The following CFAP20DC variants were observed in gnomAD, a reference collection of about 807,000 sequenced individuals.
CFAP20DC encodes protein CFAP20DC.
A neutral mutation model predicts 101.7 loss-of-function variants in CFAP20DC; 84 were observed. The ratio of observed to expected loss-of-function variants is 0.83; its 90% confidence interval spans 0.69 to 0.99. CFAP20DC has a LOEUF of 0.99. Ranked by LOEUF, CFAP20DC falls within the 50% of genes least tolerant of loss-of-function variation. CFAP20DC has a pLI of 0.00. For missense variants in CFAP20DC, 1,007 were observed against 970.3 expected, an observed-to-expected ratio of 1.04 and a Z score of -0.50; for synonymous variants, 359 against 351.2, an observed-to-expected ratio of 1.02 and a Z score of -0.25.
intron 1 of CFAP20DC, among the ~76,000 whole-genome samples, chr3:59,048,840 CGAG>C (rs753011932): frequency 3.9e-5 from 6 of 152,024 alleles, no homozygotes; most frequent in Non-Finnish European, 1.5e-5. Context: ...CTTGCAAAGG[CGAG>C]GAGAGGAGAC....
At chr3:58,977,855 TCTAC>T (rs902859597) in intron 4 of CFAP20DC, among the ~76,000 whole-genome samples, 1 of 151,966 alleles carries the variant, frequency 6.6e-6, no homozygotes, top group African/African-American at 2.4e-5. Flanking sequence ...CTCTCCCCAC[TCTAC>T]CCTGGTACCA....
At chr3:58,748,475 T>C (rs1366150117) in intron 16 of CFAP20DC, among the ~76,000 whole-genome samples, 5 of 152,114 alleles carry the variant, frequency 3.3e-5, no homozygotes, top group African/African-American at 1.2e-4. Flanking sequence ...AAGGCACCTC[T>C]TGATACTAGT....
intron 12 of CFAP20DC, among the ~76,000 whole-genome samples, chr3:58,853,004 T>C (rs1484191300): frequency 1.3e-5 from 2 of 151,810 alleles, no homozygotes; most frequent in South Asian, 2.1e-4. Context: ...CTCAAGGAAA[T>C]AGAAACACAA....
chr3:58,838,097 G>A (rs1243622213), intron 13 of CFAP20DC, among the ~76,000 whole-genome samples: 1 of 152,176 alleles, frequency 6.6e-6, no homozygotes, highest in Admixed American at 6.6e-5. Flanking sequence ...AGCACAAGCT[G>A]TAAGTGACAC....
Position 58,753,696 on chromosome 3 carries a change from A to C in CFAP20DC, c.2332+73T>G. 4.9e-6 allele frequency: 5 copies of C among 1,024,848 alleles called. No homozygotes were observed. In the South Asian group the frequency reaches 5.6e-5, roughly 12 times the overall value. 63.5% of individuals were successfully genotyped at this position (1,024,848 alleles called of 1,614,324 possible). The stretch of plus-strand genomic sequence containing the variant: ...CATTTAATAAAAACAGTGGCATCTC[A>C]AAGTGATGGATTCTCTCTATTTATA... On this transcript the variant is annotated intron_variant, in intron 16 of 16. Coordinates refer to ENST00000482387, the MANE Select transcript of CFAP20DC (RefSeq NM_001394063.1).
At chr3:58,885,314 G>A (rs967939982) in intron 6 of CFAP20DC, among the ~76,000 whole-genome samples, 1 of 151,746 alleles carries the variant, frequency 6.6e-6, no homozygotes, top group Admixed American at 6.6e-5. Flanking sequence ...TTTCATTCAT[G>A]TATATTTATA....
chr3:58,900,237 G>A (rs2107091363), intron 6 of CFAP20DC, among the ~76,000 whole-genome samples: 1 of 152,276 alleles, frequency 6.6e-6, no homozygotes, highest in South Asian at 2.1e-4. Flanking sequence ...GTGAATGACT[G>A]GAGAATCCTA....
intron 4 of CFAP20DC, among the ~76,000 whole-genome samples, chr3:58,943,520 G>A (rs1197240892): frequency 6.6e-6 from 1 of 152,168 alleles, no homozygotes; most frequent in African/African-American, 2.4e-5. Flanking sequence ...GAAAGGAATA[G>A]AATCAACATG....
chr3:58,770,251 G>T (rs952982038), intron 15 of CFAP20DC, among the ~76,000 whole-genome samples: 1 of 152,178 alleles, frequency 6.6e-6, no homozygotes, highest in Non-Finnish European at 1.5e-5. Context: ...AAAGAAAGCT[G>T]ACCCTTTCCT....
chr3:58,797,812 T>C (rs1275307798), intron 15 of CFAP20DC, among the ~76,000 whole-genome samples: 1 of 152,190 alleles, frequency 6.6e-6, no homozygotes, highest in Non-Finnish European at 1.5e-5. Context: ...TCATTGACTA[T>C]TCCAGAAATC....
At chr3:58,937,214 T>C (rs1373536998) in intron 5 of CFAP20DC, among the ~76,000 whole-genome samples, 1 of 152,204 alleles carries the variant, frequency 6.6e-6, no homozygotes, top group Non-Finnish European at 1.5e-5. Context: ...TGTTCACTGT[T>C]CTCCGGAGGT....
intron 5 of CFAP20DC, among the ~76,000 whole-genome samples, chr3:58,924,400 T>C (rs1427787111): frequency 6.6e-6 from 1 of 151,874 alleles, no homozygotes; most frequent in Admixed American, 6.6e-5. Context: ...CTGCAAAATA[T>C]ATGATTTCAT....
chr3:58,878,257 T>C (rs765082085), intron 7 of CFAP20DC, among the ~76,000 whole-genome samples: 1 of 152,150 alleles, frequency 6.6e-6, no homozygotes, highest in Non-Finnish European at 1.5e-5. Context: ...CCTTACCTCA[T>C]TAATAAAAAG....
At chr3:58,820,030 A>G (rs1386282450) in intron 14 of CFAP20DC, among the ~76,000 whole-genome samples, 4 of 149,134 alleles carry the variant, frequency 2.7e-5, no homozygotes, top group African/African-American at 7.5e-5. Context: ...AAACAGAGCC[A>G]AAGACAAAAA....
intron 4 of CFAP20DC, among the ~76,000 whole-genome samples, chr3:58,939,020 C>T (rs2088121987): frequency 6.6e-6 from 1 of 152,090 alleles, no homozygotes. Flanking sequence ...CACATTTACC[C>T]TAAGGCAATG....
intron 14 of CFAP20DC, among the ~76,000 whole-genome samples, chr3:58,808,712 C>A (rs1393536658): frequency 6.6e-6 from 1 of 152,150 alleles, no homozygotes. Flanking sequence ...TCACACATAA[C>A]TATATTAACC....
intron 4 of CFAP20DC, among the ~76,000 whole-genome samples, chr3:58,950,042 C>G (rs2089909341): frequency 2.0e-5 from 3 of 152,176 alleles, no homozygotes; most frequent in African/African-American, 7.2e-5. Context: ...AGCCCAAAAT[C>G]TCCTTAAGCT....
intron 12 of CFAP20DC, among the ~76,000 whole-genome samples, chr3:58,858,255 T>C (rs1477183217): frequency 6.6e-6 from 1 of 152,220 alleles, no homozygotes; most frequent in Non-Finnish European, 1.5e-5. Context: ...GAAACATTTG[T>C]TTGTTAAATA....
intron 4 of CFAP20DC, among the ~76,000 whole-genome samples, chr3:58,957,237 A>C (rs573483339): frequency 1.3e-5 from 2 of 152,344 alleles, no homozygotes; most frequent in Admixed American, 1.3e-4. Flanking sequence ...CAAATAGCAA[A>C]CACACATATA....
Sources: gnomAD v4.1 joint callset for allele counts (sites outside exome capture counted in the v4.1 genomes callset) on GRCh38, gnomAD v4.1.1 for gene constraint, MANE v1.5 for transcripts, NCBI Gene and HGNC (gene_info 2026-07-23, HGNC 2026-07-21) for gene names.